Variants in TTN observed in about 807,000 individuals in gnomAD.
The protein encoded by TTN is connectin.
Under a neutral mutation model 3,223.0 loss-of-function variants are expected in TTN, and 1,525 were observed. The ratio of observed to expected loss-of-function variants is 0.47; its 90% CI spans 0.45 to 0.49. The LOEUF (loss-of-function observed/expected upper bound fraction) is 0.49, where lower values mean the gene tolerates loss of function less well. Among genes scored for constraint, TTN ranks in the 20% least tolerant of loss-of-function variants. TTN has a pLI of 0.00. For missense variants in TTN, 40,786 were observed against 43,424.0 expected, an observed-to-expected ratio of 0.94 and a Z score of 5.40; for synonymous variants, 14,094 against 15,161.0, an observed-to-expected ratio of 0.93 and a Z score of 5.17.
chr2:178,615,531 C>T (rs753713227), intron 258 of TTN, 47 bp from the exon 259 acceptor site: 3 of 1,608,174 alleles, frequency 1.9e-6, no homozygotes, highest in African/African-American at 2.7e-5. Flanking sequence ...GCCACCTATG[C>T]AGTTCTCTTC....
chr2:178,747,428 G>A, intron 47 of TTN: 1 of 1,613,348 alleles, frequency 6.2e-7, no homozygotes, highest in Non-Finnish European at 8.5e-7. Flanking sequence ...AACAGATGAT[G>A]GTGGGGTATA....
Position 178,531,461 on chromosome 2 carries a change from C to G in TTN, c.105154G>C (p.Val35052Leu), listed in dbSNP as rs751583336. Residue 35052 changes from valine to leucine, a missense_variant, in exon 358 of 363, where the codon GTT (valine) becomes CTT (leucine). By Grantham distance (32) the Val-to-Leu change is conservative (BLOSUM62 1). Transcript: ENST00000589042. ...TCTGTTCTTGTCAGCTCAGGGAAAA[C>G]AGATCTGGGGACCTCTTCATCTCTG... ...QRRDEEVPRSVFPELTRTEAY... is the reference protein window; with the variant it reads ...QRRDEEVPRSLFPELTRTEAY... The G allele has an allele frequency of 1.2e-6, 2 of 1,613,916 alleles. No homozygotes were observed. Among genetic ancestry groups the G allele is most frequent in the Non-Finnish European group, 1.7e-6 (2 of 1,179,894 alleles).
In TTN at chr2:178,574,603, C is replaced by T; in HGVS notation, c.71529G>A (p.Met23843Ile). ...PQVTAVTKDS[M>I]TISWHEPLSD... ...AAAGTGGCTCATGCCAGCTAATTGT[C>T]ATTGAATCCTTGGTAACTGCAGTTA... The change falls in exon 326 of 363, where the codon ATG becomes ATA. Residue 23843 changes from methionine to isoleucine, a missense_variant. Transcript: ENST00000589042. The T allele has an allele frequency of 1.2e-6, 2 of 1,613,228 alleles. No homozygotes were observed. The highest frequency in any genetic ancestry group is 1.7e-6 in the Non-Finnish European group (2 of 1,179,490).
In TTN at chr2:178,565,564, A is replaced by G. The variant is rs769878576; in HGVS notation, c.80568T>C (p.Tyr26856=). 1.2e-5 allele frequency: 19 copies of G among 1,613,520 alleles called. No individual in the cohort carries two copies. Among genetic ancestry groups the G allele is most frequent in the Non-Finnish European group, 1.4e-5 (17 of 1,179,646 alleles). ...TTGGATCGCTTTTTCCTTTCTCATTATAAGCCTTGACACGGAACTGATATT... is the reference window on the plus strand; with the variant it reads ...TTGGATCGCTTTTTCCTTTCTCATTGTAAGCCTTGACACGGAACTGATATT... ...GQEYQFRVKA[Y]NEKGKSDPRV... Residue 26856 remains tyrosine (Y), a synonymous_variant, in exon 326 of 363, where the codon TAT becomes TAC. Coordinates refer to ENST00000589042, the MANE Select transcript of TTN (RefSeq NM_001267550.2).
At chr2:178,698,817 G>T in intron 112 of TTN, 26 bp downstream of exon 112, 1 of 1,531,698 alleles carries the variant, frequency 6.5e-7, no homozygotes, top group South Asian at 1.3e-5. Flanking sequence ...AAAGTGTTAA[G>T]ACTGCTTTTT....
chr2:178,574,132 G>T lies in TTN; in HGVS notation c.72000C>A (p.Ile24000=). Residue 24000 remains isoleucine, a synonymous_variant, in exon 326 of 363, where the codon ATC becomes ATA. Transcript: ENST00000589042. ...TEDAAYEFRV[I]AKNAAGAISP... The stretch of plus-strand genomic sequence containing the variant: ...TGATGGCACCTGCAGCATTTTTGGC[G>T]ATCACACGGAATTCATATGCAGCAT... The T allele has an allele frequency of 6.2e-7, 1 of 1,613,534 alleles. No homozygotes were observed. The highest frequency in any genetic ancestry group is 8.5e-7 in the Non-Finnish European group (1 of 1,179,624).
Position 178,559,697 on chromosome 2 carries a change from A to G in TTN, c.86435T>C (p.Ile28812Thr), listed in dbSNP as rs727504959. ...DTTDSRTSLT[I>T]ENANRNDSGK... ...AGAGTCATTTCTGTTGGCATTTTCA[A>G]TGGTCAGTGATGTACGAGAGTCTGT... Residue 28812 changes from isoleucine (I) to threonine (T), a missense_variant, in exon 326 of 363, where the codon ATT becomes ACT. Ile to Thr is a moderately conservative substitution (Grantham distance 89, BLOSUM62 -1). Transcript: ENST00000589042. The G allele has an allele frequency of 1.8e-5, 29 of 1,607,668 alleles. No homozygotes were observed. The highest frequency in any genetic ancestry group is 1.7e-5 in the Non-Finnish European group (20 of 1,176,698).
rs796775326 is a variant in TTN at position 178,561,522 on chromosome 2, C to G, written c.84610G>C (p.Ala28204Pro). Residue 28204 changes from alanine to proline, a missense_variant, in exon 326 of 363, where the codon GCA (alanine) becomes CCA (proline). By Grantham distance (27) the Ala-to-Pro change is conservative. Coordinates refer to ENST00000589042, the MANE Select transcript of TTN (RefSeq NM_001267550.2). ...GTATCAGCAATGAGGATTTTATTTG[C>G]TTTTGACCAAAGAATGCTGCTTCTT... ...KERSSILWSKANKILIADTQM... is the reference protein window; with the variant it reads ...KERSSILWSKPNKILIADTQM... The G allele has an allele frequency of 1.2e-6, 2 of 1,613,406 alleles. No individual in the cohort carries two copies. The highest frequency in any genetic ancestry group is 2.2e-5 in the East Asian group (1 of 44,794).
At chr2:178,551,527 G>C in intron 335 of TTN, 103 bp downstream of exon 335, 5 of 1,022,958 alleles carry the variant, frequency 4.9e-6, no homozygotes, top group Non-Finnish European at 5.6e-6. Flanking sequence ...GTGACAAGAA[G>C]ATATGTAAGA....
In TTN at chr2:178,543,846, C is replaced by A. The variant is rs747553663; in HGVS notation, c.96298G>T (p.Val32100Phe). Reference sequence around the variant, plus strand: ...GTAAAATGCTTACCATAGACTTTAACAAGGACTGTTGCTGATTTCTTGCCA... The same window carrying A: ...GTAAAATGCTTACCATAGACTTTAAAAAGGACTGTTGCTGATTTCTTGCCA... Reference protein sequence around the residue: ...QSGKKSATVLVKVYDTPGPCP... With the variant: ...QSGKKSATVLFKVYDTPGPCP... Residue 32100 changes from valine to phenylalanine, a missense_variant, in exon 346 of 363, where the codon GTT becomes TTT. Val to Phe is a conservative substitution (Grantham distance 50). Transcript: ENST00000589042. 1 of 1,613,556 alleles carries A rather than the reference C, an allele frequency of 6.2e-7. No homozygotes were observed. The highest frequency in any genetic ancestry group is 8.5e-7 in the Non-Finnish European group (1 of 1,179,624).
chr2:178,593,833 A>T lies in TTN; in HGVS notation c.58467T>A (p.Phe19489Leu), dbSNP rs1484820483. 6 of 1,612,952 alleles carry T rather than the reference A, an allele frequency of 3.7e-6. No homozygotes were observed. Among genetic ancestry groups the T allele is most frequent in the Non-Finnish European group, 4.2e-6 (5 of 1,179,590 alleles). ...CCATGTAATCTTTGGTCACCTCATC[A>T]AAACTAACTGGTCCTACTGGTGGTC... is the stretch of plus-strand genomic sequence containing the variant. ...RPGPPVGPVS[F>L]DEVTKDYMVI... is the part of the protein sequence containing the mutation. The change falls in exon 298 of 363, where the codon TTT becomes TTA. Residue 19489 changes from phenylalanine to leucine, a missense_variant. Phe to Leu is a conservative substitution (Grantham distance 22). Coordinates refer to ENST00000589042, the MANE Select transcript of TTN (RefSeq NM_001267550.2).
intron 218 of TTN, 74 bp from the exon 219 acceptor site, chr2:178,642,391 C>T: frequency 6.8e-6 from 9 of 1,333,234 alleles, no homozygotes; most frequent in South Asian, 1.3e-5. Context: ...AAATGTCTCT[C>T]CTAAAACTAG....
rs2078891499 is a variant in TTN at position 178,723,934 on chromosome 2, A to G, written c.21325T>C (p.Ser7109Pro). 1.2e-6 allele frequency: 2 copies of G among 1,613,470 alleles called. No homozygotes were observed. Among genetic ancestry groups the G allele is most frequent in the Non-Finnish European group, 8.5e-7 (1 of 1,179,608 alleles). Reference sequence around the variant, plus strand: ...ACGCATGTGTAATTGCCCATATCTGAGGAATCCAGAGAATTCAACTGCAAT... The same window carrying G: ...ACGCATGTGTAATTGCCCATATCTGGGGAATCCAGAGAATTCAACTGCAAT... ...CTLQLNSLDS[S>P]DMGNYTCVAA... The change falls in exon 73 of 363, where the codon TCA (serine) becomes CCA (proline). Residue 7109 changes from serine (S) to proline (P), a missense_variant. Coordinates refer to ENST00000589042, the MANE Select transcript of TTN (RefSeq NM_001267550.2).
intron 236 of TTN, among the ~76,000 whole-genome samples, chr2:178,631,591 AT>A (rs2059818247): frequency 6.6e-6 from 1 of 152,016 alleles, no homozygotes; most frequent in African/African-American, 2.4e-5. Context: ...TTCCTCCATT[AT>A]TTGGGTAAAT....
rs1439129129 is a variant in TTN, at chr2:178,605,156, A to C, written c.54021T>G (p.Ile18007Met). ...TCTGAAGTGCATCAGTGGGTTTTTC[A>C]ATTACAGTTTCATTTTTGGACCATT... ...KIEWSKNETV[I>M]EKPTDALQIT... Residue 18007 changes from isoleucine to methionine, a missense_variant, in exon 280 of 363, where the codon ATT (isoleucine) becomes ATG (methionine). Transcript: ENST00000589042. The C allele has an allele frequency of 3.1e-6, 5 of 1,612,368 alleles. No homozygotes were observed. Among genetic ancestry groups the C allele is most frequent in the Non-Finnish European group, 4.2e-6 (5 of 1,179,160 alleles).
Position 178,647,407 on chromosome 2 carries a change from G to T in TTN, c.40115C>A (p.Ala13372Glu). Residue 13372 changes from alanine to glutamate, a missense_variant, in exon 214 of 363, where the codon GCA becomes GAA. Ala to Glu is a moderately radical substitution (Grantham distance 107, BLOSUM62 -1). Transcript: ENST00000589042. The stretch of plus-strand genomic sequence containing the variant: ...TTCAGCAGGTGGAACTTCTGGCTCT[G>T]CAGGGATAGGCACAGACACTTCCTT... ...PEKEVSVPIP[A>E]EPEVPPAEVE... 6.5e-7 allele frequency: 1 copy of T among 1,549,724 alleles called. No homozygotes were observed. Among genetic ancestry groups the T allele is most frequent in the Non-Finnish European group, 8.7e-7 (1 of 1,146,454 alleles).
chr2:178,750,278 A>G, intron 47 of TTN: 1 of 1,613,214 alleles, frequency 6.2e-7, no homozygotes, highest in South Asian at 1.1e-5. Context: ...ATGTGCTTTG[A>G]CATCATGTTT....
At chr2:178,720,336 G>T (rs777095791) in intron 80 of TTN, 49 bp downstream of exon 80, 1 of 1,591,562 alleles carries the variant, frequency 6.3e-7, no homozygotes, top group Non-Finnish European at 8.6e-7. Flanking sequence ...AGTTAGGCAA[G>T]AACAGATAGG....
intron 6 of TTN, 118 bp downstream of exon 6, chr2:178,799,369 T>C (rs1395690727): frequency 1.3e-6 from 2 of 1,513,322 alleles, no homozygotes; most frequent in African/African-American, 2.7e-5. Context: ...AGCGGGACAC[T>C]GAAGAAGCGA....
Sources: gnomAD v4.1 joint callset for allele counts (sites outside exome capture counted in the v4.1 genomes callset) on GRCh38, gnomAD v4.1.1 for gene constraint, MANE v1.5 for transcripts, NCBI Gene and HGNC (gene_info 2026-07-23, HGNC 2026-07-21) for gene names.